The following FHOD3 variants were observed in gnomAD, a reference collection of about 807,000 sequenced individuals.
FHOD3 encodes the protein FH1/FH2 domain-containing protein 3.
A neutral mutation model predicts 173.0 loss-of-function variants in FHOD3; 90 were observed. The observed-to-expected ratio is 0.52, with a 90% confidence interval of 0.44 to 0.62. The LOEUF is 0.62. Among genes scored for constraint, FHOD3 ranks in the 20% least tolerant of loss-of-function variants. The pLI, the probability that FHOD3 is intolerant of heterozygous loss-of-function variation, is 0.00. For missense variants in FHOD3, 1,945 were observed against 2,034.7 expected, an observed-to-expected ratio of 0.96 and a Z score of 0.85; for synonymous variants, 828 against 823.0, an observed-to-expected ratio of 1.01 and a Z score of -0.10.
intron 5 of FHOD3, among the ~76,000 whole-genome samples, chr18:36,558,115 T>G (rs1389881010): frequency 6.6e-6 from 1 of 152,204 alleles, no homozygotes; most frequent in East Asian, 1.9e-4. Flanking sequence ...ATTAATACTC[T>G]GTTGACTACC....
chr18:36,362,353 GA>G (rs2046668148), intron 2 of FHOD3, among the ~76,000 whole-genome samples: 1 of 152,230 alleles, frequency 6.6e-6, no homozygotes, highest in African/African-American at 2.4e-5. Context: ...GGACACAAGA[GA>G]ATGGAATGGA....
At chr18:36,312,167 G>T (rs989345180) in intron 1 of FHOD3, among the ~76,000 whole-genome samples, 7 of 152,154 alleles carry the variant, frequency 4.6e-5, no homozygotes, top group African/African-American at 1.7e-4. Context: ...TCTCACAGCA[G>T]CAATTGCTGT....
chr18:36,680,318 G>T (rs1393910344), intron 14 of FHOD3, among the ~76,000 whole-genome samples: 5 of 152,202 alleles, frequency 3.3e-5, no homozygotes, highest in Non-Finnish European at 5.9e-5. Context: ...TCTTTCTCCT[G>T]CACTGAGATC....
intron 6 of FHOD3, among the ~76,000 whole-genome samples, chr18:36,577,833 C>T (rs967639642): frequency 3.9e-5 from 6 of 152,162 alleles, no homozygotes; most frequent in South Asian, 2.1e-4. Flanking sequence ...TCAGGTGCGC[C>T]GAAAGCTGGG....
At chr18:36,426,702 G>A (rs1394483028) in intron 3 of FHOD3, among the ~76,000 whole-genome samples, 1 of 152,242 alleles carries the variant, frequency 6.6e-6, no homozygotes, top group Non-Finnish European at 1.5e-5. Context: ...TAAGCACTGG[G>A]CTAGTCGCTT....
At chr18:36,581,970 A>G (rs974703823) in intron 6 of FHOD3, among the ~76,000 whole-genome samples, 1 of 152,182 alleles carries the variant, frequency 6.6e-6, no homozygotes, top group African/African-American at 2.4e-5. Flanking sequence ...AAATAGAGAC[A>G]TTTTGAGGAC....
intron 19 of FHOD3, among the ~76,000 whole-genome samples, chr18:36,719,617 A>G (rs1189492755): frequency 6.6e-6 from 1 of 152,230 alleles, no homozygotes; most frequent in Non-Finnish European, 1.5e-5. Flanking sequence ...TTTAGAATAA[A>G]CATGCAAGAG....
chr18:36,352,434 T>G (rs1453783889), intron 1 of FHOD3, among the ~76,000 whole-genome samples: 6 of 152,188 alleles, frequency 3.9e-5, no homozygotes, highest in Non-Finnish European at 8.8e-5. Context: ...TACAGATCTG[T>G]GTGGTAGAAA....
At chr18:36,545,884 A>G (rs1327363476) in intron 5 of FHOD3, among the ~76,000 whole-genome samples, 1 of 152,230 alleles carries the variant, frequency 6.6e-6, no homozygotes, top group Non-Finnish European at 1.5e-5. Context: ...TTCTTTTTAA[A>G]AAGTTGGCTT....
intron 10 of FHOD3, among the ~76,000 whole-genome samples, chr18:36,644,260 A>G (rs1439599026): frequency 1.3e-5 from 2 of 152,244 alleles, no homozygotes; most frequent in Admixed American, 6.5e-5. Context: ...CCTTAGCACA[A>G]TATAAACACA....
rs187954843 is a variant in FHOD3, at chr18:36,733,172, A to G, written c.3576+2368A>G. On this transcript the variant is annotated intron_variant, in intron 20 of 28. Transcript: ENST00000590592. ...CTTGTTATTTGCTCTTTTGCTGTCA[A>G]CTCAAGGTAGAGAGGATTAAGCTGC... is the stretch of plus-strand genomic sequence containing the variant. Among the ~76,000 whole-genome samples the G allele has an allele frequency of 4.3e-3, 657 of 152,298 alleles. 4 individuals carry two copies. Among genetic ancestry groups the G allele is most frequent in the Non-Finnish European group, 7.3e-3 (497 of 68,020 alleles).
chr18:36,747,210 C>A, intron 24 of FHOD3, 75 bp downstream of exon 24: 1 of 1,216,730 alleles, frequency 8.2e-7, no homozygotes, highest in Non-Finnish European at 1.1e-6. Context: ...AATTAAGAGC[C>A]GATGGTTAAA....
At chr18:36,424,107 C>T (rs1227395946) in intron 3 of FHOD3, among the ~76,000 whole-genome samples, 1 of 152,156 alleles carries the variant, frequency 6.6e-6, no homozygotes, top group East Asian at 1.9e-4. Context: ...TACCTCAGTT[C>T]ATGTCTCATT....
chr18:36,431,963 G>A (rs185950433), intron 3 of FHOD3, among the ~76,000 whole-genome samples: 6 of 152,302 alleles, frequency 3.9e-5, no homozygotes, highest in East Asian at 3.9e-4. Flanking sequence ...CATTTAATCC[G>A]AAGGTGAATT....
rs531533337 is a variant in FHOD3, at chr18:36,308,876, C to A, written c.165+10876C>A. 2.0e-5 allele frequency among the ~76,000 whole-genome samples: 3 copies of A among 152,282 alleles called. No individual in the cohort carries two copies. The South Asian group carries it at 6.2e-4, about 32-fold the overall frequency. Reference sequence around the variant, plus strand: ...AAGTGTCTGTAGGGTGGAGCCTTAGCCTTCAGATCCCTAAACTGTCGCCAT... The same window carrying A: ...AAGTGTCTGTAGGGTGGAGCCTTAGACTTCAGATCCCTAAACTGTCGCCAT... On this transcript the variant is annotated intron_variant, in intron 1 of 28. Transcript: ENST00000590592.
chr18:36,560,133 G>C (rs1408938820), intron 5 of FHOD3, among the ~76,000 whole-genome samples: 1 of 152,128 alleles, frequency 6.6e-6, no homozygotes, highest in East Asian at 1.9e-4. Context: ...AGATGAATTA[G>C]CATAAAAAAC....
intron 3 of FHOD3, among the ~76,000 whole-genome samples, chr18:36,488,029 T>C (rs2054276773): frequency 6.6e-6 from 1 of 152,240 alleles, no homozygotes; most frequent in Non-Finnish European, 1.5e-5. Flanking sequence ...CCCCATTCAT[T>C]ACTGAATAAA....
At chr18:36,460,778 C>T (rs1229994399) in intron 3 of FHOD3, among the ~76,000 whole-genome samples, 1 of 152,166 alleles carries the variant, frequency 6.6e-6, no homozygotes, top group African/African-American at 2.4e-5. Context: ...CAAATTTGGA[C>T]ATTAAGACCT....
intron 10 of FHOD3, among the ~76,000 whole-genome samples, chr18:36,639,269 T>C (rs2035110474): frequency 6.6e-6 from 1 of 152,160 alleles, no homozygotes; most frequent in South Asian, 2.1e-4. Flanking sequence ...TTGGCCGGCG[T>C]GGTGGCTCAC....
Sources: allele counts gnomAD v4.1 joint callset (sites outside exome capture counted in the v4.1 genomes callset), GRCh38; gene constraint gnomAD v4.1.1; transcripts MANE v1.5; gene names NCBI Gene and HGNC (gene_info 2026-07-23, HGNC 2026-07-21).